Variants in KLF8 observed in about 807,000 individuals in gnomAD.
The protein encoded by KLF8 is KLF transcription factor 8, also known as Krueppel-like factor 8.
KLF8 carries 10 observed loss-of-function variants against 18.2 expected under a neutral mutation model. The observed-to-expected ratio is 0.55, with a 90% CI of 0.34 to 0.93. The LOEUF (loss-of-function observed/expected upper bound fraction) is 0.93. Among genes scored for constraint, KLF8 ranks in the 40% least tolerant of loss-of-function variants. The probability of loss-of-function intolerance (pLI) is 0.02; values close to 1 mark genes in which losing one functional copy is unlikely to be tolerated. For synonymous variants in KLF8, 109 were observed against 97.3 expected (o/e 1.12, Z -0.71); for missense variants, 264 against 277.9 (o/e 0.95, Z 0.36).
chrX:56,186,425 T>A, the KLF8 span, among the ~76,000 whole-genome samples: 1 of 111,244 alleles, frequency 9.0e-6, no homozygotes, highest in Non-Finnish European at 1.9e-5. Context: ...ACAATAATAA[T>A]GGGAGAGTTT....
the KLF8 span, among the ~76,000 whole-genome samples, chrX:55,998,228 G>A: frequency 9.0e-6 from 1 of 111,163 alleles, no homozygotes; most frequent in Admixed American, 9.4e-5. Context: ...CCATTGCCCA[G>A]GGACGGGCAG....
chrX:56,224,046 C>T, the KLF8 span, among the ~76,000 whole-genome samples: 1 of 110,842 alleles, frequency 9.0e-6, no homozygotes, highest in Non-Finnish European at 1.9e-5. Flanking sequence ...GCTGGGATTA[C>T]AGGAGTAAGC....
the KLF8 span, among the ~76,000 whole-genome samples, chrX:56,209,266 A>C: frequency 8.9e-6 from 1 of 111,775 alleles, no homozygotes; most frequent in South Asian, 3.7e-4. Context: ...TGATATTAAT[A>C]TAGTTACTCC....
At chrX:55,930,071 G>C in the KLF8 span, among the ~76,000 whole-genome samples, 1 of 110,946 alleles carries the variant, frequency 9.0e-6, no homozygotes, top group Admixed American at 9.6e-5. Flanking sequence ...GCAGTGGTTT[G>C]TAGTTCTCCT....
chrX:56,128,984 T>C, the KLF8 span, among the ~76,000 whole-genome samples: 1,989 of 111,338 alleles, frequency 0.018, 40 homozygotes, highest in African/African-American at 0.062. Flanking sequence ...AGAGAAAAAT[T>C]ACTAGTCATG....
At chrX:55,936,769 T>C in the KLF8 span, among the ~76,000 whole-genome samples, 938 of 110,809 alleles carry the variant, frequency 8.5e-3, 3 homozygotes, top group Middle Eastern at 0.019. Context: ...CCATGGATCC[T>C]GGCTGTTTGT....
the KLF8 span, among the ~76,000 whole-genome samples, chrX:56,112,696 T>C: frequency 9.0e-6 from 1 of 111,581 alleles, no homozygotes; most frequent in African/African-American, 3.3e-5. Flanking sequence ...CATTGTCCTA[T>C]ATTCAAGTTC....
At chrX:56,103,227 G>A in the KLF8 span, among the ~76,000 whole-genome samples, 1 of 110,438 alleles carries the variant, frequency 9.1e-6, no homozygotes, top group East Asian at 2.9e-4. Flanking sequence ...CTTTAAAGTA[G>A]TTTTTTCCAA....
intron 2 of KLF8, among the ~76,000 whole-genome samples, chrX:56,263,568 G>A (rs978776844): frequency 9.0e-6 from 1 of 110,981 alleles, no homozygotes; most frequent in African/African-American, 3.3e-5. Flanking sequence ...TCACTGCAGC[G>A]CTCTGAGGGT....
the KLF8 span, among the ~76,000 whole-genome samples, chrX:56,176,565 C>T: frequency 9.0e-6 from 1 of 111,044 alleles, no homozygotes; most frequent in Non-Finnish European, 1.9e-5. Context: ...TTTGGTGAAT[C>T]TGACAATTAT....
chrX:56,162,953 C>T, the KLF8 span, among the ~76,000 whole-genome samples: 1 of 112,175 alleles, frequency 8.9e-6, no homozygotes, highest in African/African-American at 3.2e-5. Context: ...CATAGTATTC[C>T]ATGGTGTTTA....
chrX:55,939,117 G>A, the KLF8 span, among the ~76,000 whole-genome samples: 1,477 of 111,303 alleles, frequency 0.013, 10 homozygotes, highest in Non-Finnish European at 0.018. Flanking sequence ...TTGACCACAT[G>A]GTTGGAAGTA....
the KLF8 span, among the ~76,000 whole-genome samples, chrX:56,048,645 G>T: frequency 8.9e-6 from 1 of 111,863 alleles, no homozygotes; most frequent in African/African-American, 3.3e-5. Flanking sequence ...TTTGGTACCA[G>T]TACCACGCTG....
chrX:56,281,353 C>T (rs1377300210), intron 5 of KLF8, among the ~76,000 whole-genome samples: 1 of 111,979 alleles, frequency 8.9e-6, no homozygotes, highest in Non-Finnish European at 1.9e-5. Flanking sequence ...CCCATACCTC[C>T]ATATTTGTGC....
At chrX:56,173,035 C>T in the KLF8 span, among the ~76,000 whole-genome samples, 1 of 111,224 alleles carries the variant, frequency 9.0e-6, no homozygotes, top group Non-Finnish European at 1.9e-5. Flanking sequence ...AAAATTTTCT[C>T]CCATTCTGTA....
chrX:55,980,748 CATT>C, the KLF8 span, among the ~76,000 whole-genome samples: 2 of 111,922 alleles, frequency 1.8e-5, no homozygotes, highest in South Asian at 7.5e-4. Context: ...TAAAAGGAGG[CATT>C]ATGGATGATG....
the KLF8 span, among the ~76,000 whole-genome samples, chrX:56,070,887 C>T: frequency 3.6e-5 from 4 of 112,538 alleles, no homozygotes; most frequent in African/African-American, 1.3e-4. Context: ...GCCTGATGCT[C>T]ATGTAAGAAA....
At chrX:56,002,587 T>C in the KLF8 span, among the ~76,000 whole-genome samples, 55 of 111,879 alleles carry the variant, frequency 4.9e-4, no homozygotes, top group Middle Eastern at 4.2e-3. Flanking sequence ...GTTGAATCGA[T>C]GAATAGGTAT....
At chrX:55,954,139 A>G in the KLF8 span, among the ~76,000 whole-genome samples, 1 of 110,839 alleles carries the variant, frequency 9.0e-6, no homozygotes, top group Admixed American at 9.7e-5. Flanking sequence ...TAAATTATCC[A>G]GTCTATCATT....
Sources: gnomAD v4.1 joint callset for allele counts (sites outside exome capture counted in the v4.1 genomes callset) on GRCh38, gnomAD v4.1.1 for gene constraint, MANE v1.5 for transcripts, NCBI Gene and HGNC (gene_info 2026-07-23, HGNC 2026-07-21) for gene names.